The following CDK13 variants were observed in gnomAD, a reference collection of about 807,000 sequenced individuals.
CDK13 encodes cyclin dependent kinase 13, also known as cyclin-dependent kinase 13.
In CDK13, 40 loss-of-function variants were observed where a neutral mutation model predicts 137.6. The observed-to-expected ratio is 0.29, with a 90% CI of 0.23 to 0.38. CDK13 has a LOEUF of 0.38. Among genes scored for constraint, CDK13 ranks in the 10% least tolerant of loss-of-function variants. CDK13 has a pLI of 1.00. For missense variants in CDK13, 1,704 were observed against 1,951.8 expected, an observed-to-expected ratio of 0.87 and a Z score of 2.39; for synonymous variants, 869 against 760.1, an observed-to-expected ratio of 1.14 and a Z score of -2.36.
chr7:40,043,233 T>A (rs1447140151), intron 5 of CDK13, among the ~76,000 whole-genome samples: 1 of 152,240 alleles, frequency 6.6e-6, no homozygotes, highest in Non-Finnish European at 1.5e-5. Flanking sequence ...AAACACTATT[T>A]TATCTATTCT....
At chr7:40,017,134 TA>T (rs978899677) in intron 5 of CDK13, among the ~76,000 whole-genome samples, 2 of 152,152 alleles carry the variant, frequency 1.3e-5, no homozygotes, top group Admixed American at 6.5e-5. Flanking sequence ...TATAGCCACT[TA>T]AAAAACAGAG....
chr7:40,093,374 TTGG>T (rs1202582491), intron 13 of CDK13, 137 bp downstream of exon 13: 4 of 709,556 alleles, frequency 5.6e-6, no homozygotes, highest in Non-Finnish European at 9.0e-6. Flanking sequence ...TGGCAATAGG[TTGG>T]TTTTTCAGTC....
At chr7:39,954,051 C>T (rs1583899346) in intron 1 of CDK13, among the ~76,000 whole-genome samples, 1 of 152,184 alleles carries the variant, frequency 6.6e-6, no homozygotes, top group South Asian at 2.1e-4. Flanking sequence ...TGTTAGAATT[C>T]TTCATATTGT....
At chr7:40,039,188 G>T (rs1257201848) in intron 5 of CDK13, among the ~76,000 whole-genome samples, 2 of 151,900 alleles carry the variant, frequency 1.3e-5, no homozygotes, top group Non-Finnish European at 2.9e-5. Context: ...TGAGCTAATT[G>T]TCTCTTTTTC....
chr7:40,005,446 C>T (rs1420255599), intron 5 of CDK13, among the ~76,000 whole-genome samples: 2 of 151,776 alleles, frequency 1.3e-5, no homozygotes, highest in Non-Finnish European at 2.9e-5. Context: ...TGTGTCACTA[C>T]ACCCATCTAA....
At chr7:39,961,826 C>T (rs1169057939) in intron 1 of CDK13, among the ~76,000 whole-genome samples, 1 of 152,052 alleles carries the variant, frequency 6.6e-6, no homozygotes, top group African/African-American at 2.4e-5. Flanking sequence ...GTGATGTTCC[C>T]CTTCCAGTGT....
intron 4 of CDK13, 58 bp from the exon 5 acceptor site, chr7:40,001,802 AG>A: frequency 9.4e-7 from 1 of 1,064,240 alleles, no homozygotes; most frequent in Non-Finnish European, 1.4e-6. Context: ...TTTAAAGTTA[AG>A]AAAAATGTCA....
chr7:40,022,551 A>G (rs1054548398), intron 5 of CDK13, among the ~76,000 whole-genome samples: 2 of 151,530 alleles, frequency 1.3e-5, no homozygotes, highest in Non-Finnish European at 1.5e-5. Context: ...TATACCAAAC[A>G]TTGTTCTAGG....
rs1787123218 is a variant in CDK13, at chr7:39,950,696, GAGA to G, written c.61_63del (p.Lys21del). On this transcript the variant is annotated inframe_deletion, in exon 1 of 14. Coordinates refer to ENST00000181839, the MANE Select transcript of CDK13 (RefSeq NM_003718.5). Reference sequence around the variant, plus strand: ...GGGAGGCGGGGGCCTGAGCTGGGCGGAGAAGAAGTTGGAGGAACGCCGCAAGCG... The same window carrying G: ...GGGAGGCGGGGGCCTGAGCTGGGCGGAGAAGTTGGAGGAACGCCGCAAGCG... 1.4e-6 allele frequency: 2 copies of G among 1,442,096 alleles called. No individual in the cohort carries two copies. The highest frequency in any genetic ancestry group is 1.8e-6 in the Non-Finnish European group (2 of 1,103,114). The allele number at this position is 1,442,096 out of a possible 1,614,324, so 89.3% of individuals were successfully genotyped here.
chr7:40,047,054 T>TGCATA (rs1447590676), intron 6 of CDK13, among the ~76,000 whole-genome samples: 1 of 150,242 alleles, frequency 6.7e-6, no homozygotes, highest in African/African-American at 2.4e-5. Flanking sequence ...TAGTCTGTAA[T>TGCATA]GCATATAAAA....
chr7:40,036,904 T>C (rs541824399), intron 5 of CDK13, among the ~76,000 whole-genome samples: 1 of 152,310 alleles, frequency 6.6e-6, no homozygotes, highest in East Asian at 1.9e-4. Context: ...TACCCAGTTG[T>C]CTCAAAAATG....
intron 6 of CDK13, 61 bp from the exon 7 acceptor site, chr7:40,047,760 T>C: frequency 9.0e-7 from 1 of 1,108,822 alleles, no homozygotes; most frequent in Non-Finnish European, 1.4e-6. Flanking sequence ...AGAATATAAA[T>C]GTGTATTGTC....
At chr7:39,960,781 G>T (rs1583909437) in intron 1 of CDK13, among the ~76,000 whole-genome samples, 1 of 146,744 alleles carries the variant, frequency 6.8e-6, no homozygotes, top group East Asian at 2.1e-4. Context: ...TGCCATGTTG[G>T]CCAGGCTGGT....
At chr7:40,089,471 G>A (rs1197432561) in intron 12 of CDK13, among the ~76,000 whole-genome samples, 1 of 151,054 alleles carries the variant, frequency 6.6e-6, no homozygotes, top group African/African-American at 2.4e-5. Context: ...CTTATATCTA[G>A]TTATTTTAGG....
In CDK13 at chr7:40,095,077, C is replaced by A. The variant is rs966444890; in HGVS notation, c.*97C>A. ...CCAAGAGACTTGAATAATAATAATT[C>A]AACAACAGCTTTATTTTTATGTGGA... On this transcript the variant is annotated 3_prime_UTR_variant, in exon 14 of 14. Transcript: ENST00000181839. 15 of 1,067,086 alleles carry A rather than the reference C, an allele frequency of 1.4e-5. No homozygotes were observed. The highest frequency in any genetic ancestry group is 3.0e-5 in the Admixed American group (1 of 33,026). The allele number at this position is 1,067,086 out of a possible 1,614,324, so 66.1% of individuals were successfully genotyped here. A position where few individuals can be genotyped will look rare whatever the true frequency, so the allele number is the denominator to read the frequency against.
intron 1 of CDK13, among the ~76,000 whole-genome samples, chr7:39,982,416 T>C (rs968677670): frequency 6.6e-6 from 1 of 152,122 alleles, no homozygotes; most frequent in African/African-American, 2.4e-5. Flanking sequence ...AGTCTATCAT[T>C]GTTGGACATT....
intron 1 of CDK13, among the ~76,000 whole-genome samples, chr7:39,963,537 G>A (rs1447622678): frequency 1.3e-5 from 2 of 152,082 alleles, no homozygotes; most frequent in Non-Finnish European, 2.9e-5. Context: ...GAGATGTTGG[G>A]GTTTTCTAGA....
chr7:39,988,077 G>C lies in CDK13; in HGVS notation c.1690G>C (p.Val564Leu). The change falls in exon 2 of 14, where the codon GTT becomes CTT. Residue 564 changes from valine to leucine, a missense_variant. Val to Leu is a conservative substitution (Grantham distance 32). Coordinates refer to ENST00000181839, the MANE Select transcript of CDK13 (RefSeq NM_003718.5). ...VDKATKKAVI[V>L]GKESKSAATK... ...TAAAGCCACCAAGAAAGCAGTCATA[G>C]TTGGAAAGGAGAGTAAATCTGCTGC... The C allele has an allele frequency of 6.2e-7, 1 of 1,614,206 alleles. No homozygotes were observed. The highest frequency in any genetic ancestry group is 8.5e-7 in the Non-Finnish European group (1 of 1,180,034).
intron 1 of CDK13, among the ~76,000 whole-genome samples, chr7:39,962,265 G>T (rs1783761282): frequency 6.6e-6 from 1 of 152,134 alleles, no homozygotes; most frequent in Admixed American, 6.6e-5. Context: ...GTGTAAAAGT[G>T]TTCCTATTTC....
Sources: allele counts gnomAD v4.1 joint callset (sites outside exome capture counted in the v4.1 genomes callset), GRCh38; gene constraint gnomAD v4.1.1; transcripts MANE v1.5; gene names NCBI Gene and HGNC (gene_info 2026-07-23, HGNC 2026-07-21).